Variants in LONRF3 observed in about 807,000 individuals in gnomAD.
The protein encoded by LONRF3 is LON peptidase N-terminal domain and ring finger 3.
LONRF3 carries 19 observed loss-of-function variants against 51.7 expected under a neutral mutation model. That is an observed-to-expected ratio of 0.37 (90% CI 0.26 to 0.54). LONRF3 has a LOEUF of 0.54. Ranked by LOEUF, LONRF3 falls within the 20% of genes least tolerant of loss-of-function variation. The probability of loss-of-function intolerance (pLI) is 0.86; values close to 1 mark genes in which losing one functional copy is unlikely to be tolerated. For synonymous variants in LONRF3, 265 were observed against 257.8 expected, an observed-to-expected ratio of 1.03 and a Z score of -0.27; for missense variants, 521 against 623.9, an observed-to-expected ratio of 0.84 and a Z score of 1.76.
At chrX:118,985,329 G>T (rs1383697861) in intron 3 of LONRF3, among the ~76,000 whole-genome samples, 1 of 111,535 alleles carries the variant, frequency 9.0e-6, no homozygotes, top group Admixed American at 9.5e-5. Flanking sequence ...GTTGAGTCAC[G>T]CATTAGGGCT....
At chrX:119,006,036 T>A in intron 5 of LONRF3, 85 bp from the exon 6 acceptor site, 1 of 538,569 alleles carries the variant, frequency 1.9e-6, no homozygotes. Context: ...ATATTCTAAA[T>A]AATGCTTTAA....
chrX:118,995,662 C>CTGAAATACAAA (rs1458023476), intron 5 of LONRF3, among the ~76,000 whole-genome samples: 2 of 112,093 alleles, frequency 1.8e-5, no homozygotes, highest in Non-Finnish European at 3.8e-5. Flanking sequence ...GGAGATACCA[C>CTGAAATACAAA]AACTGACACC....
At chrX:119,008,298 T>C (rs1924869482) in intron 6 of LONRF3, among the ~76,000 whole-genome samples, 1 of 112,604 alleles carries the variant, frequency 8.9e-6, no homozygotes, top group African/African-American at 3.2e-5. Context: ...AACAGTTTTA[T>C]ACTCAGGCGC....
At chrX:118,991,350 T>A (rs1433080406) in intron 5 of LONRF3, among the ~76,000 whole-genome samples, 1 of 109,415 alleles carries the variant, frequency 9.1e-6, no homozygotes, top group Non-Finnish European at 1.9e-5. Flanking sequence ...CTCAGTTACA[T>A]GGGCAAGAGC....
intron 8 of LONRF3, chrX:119,012,744 C>A: frequency 2.4e-6 from 1 of 408,530 alleles, no homozygotes; most frequent in Non-Finnish European, 4.0e-6. Flanking sequence ...AATAATGTTA[C>A]AATAGCAATT....
intron 3 of LONRF3, among the ~76,000 whole-genome samples, chrX:118,984,793 G>A (rs1293812555): frequency 1.8e-5 from 2 of 112,180 alleles, no homozygotes; most frequent in Non-Finnish European, 3.8e-5. Flanking sequence ...GTGTGATGAG[G>A]CCATGGCGGC....
intron 6 of LONRF3, among the ~76,000 whole-genome samples, chrX:119,008,575 T>A (rs1188082033): frequency 1.8e-5 from 2 of 112,096 alleles, no homozygotes; most frequent in Non-Finnish European, 3.8e-5. Flanking sequence ...TTGTGTTTTT[T>A]TAAACTAAAA....
intron 5 of LONRF3, among the ~76,000 whole-genome samples, chrX:119,002,912 T>C (rs761402798): frequency 1.8e-5 from 2 of 110,433 alleles, no homozygotes; most frequent in East Asian, 5.7e-4. Flanking sequence ...GATTCTCCTG[T>C]CTCAGCCTCC....
At chrX:118,992,878 G>A (rs1168038564) in intron 5 of LONRF3, among the ~76,000 whole-genome samples, 4 of 111,445 alleles carry the variant, frequency 3.6e-5, no homozygotes, top group Non-Finnish European at 7.5e-5. Context: ...CCAGCCTGGA[G>A]CCGGGTAGAC....
Position 118,975,581 on chromosome X carries a change from C to G in LONRF3, c.801C>G (p.Asn267Lys). Residue 267 changes from asparagine (N) to lysine (K), a missense_variant, in exon 1 of 11, where the codon AAC (asparagine) becomes AAG (lysine). Coordinates refer to ENST00000371628, the MANE Select transcript of LONRF3 (RefSeq NM_001031855.3). ...RQVEAALLKYNEAVKLAPNDH... is the reference protein window; with the variant it reads ...RQVEAALLKYKEAVKLAPNDH... ...TGGAGGCGGCACTGCTCAAGTACAACGAGGCAGTTAAGTTGGGTGAGTCCA... is the reference window on the plus strand; with the variant it reads ...TGGAGGCGGCACTGCTCAAGTACAAGGAGGCAGTTAAGTTGGGTGAGTCCA... The G allele has an allele frequency of 1.7e-6, 2 of 1,176,828 alleles. No homozygotes were observed. The highest frequency in any genetic ancestry group is 2.3e-6 in the Non-Finnish European group (2 of 879,650).
chrX:119,013,238 C>G (rs1398496876), intron 9 of LONRF3, 37 bp downstream of exon 9: 6 of 1,161,611 alleles, frequency 5.2e-6, no homozygotes, highest in African/African-American at 1.8e-5. Flanking sequence ...CAAAGCCAGG[C>G]TATCCTTGTA....
At chrX:119,017,186 C>T (rs989729698) in intron 10 of LONRF3, among the ~76,000 whole-genome samples, 4 of 111,553 alleles carry the variant, frequency 3.6e-5, no homozygotes, top group African/African-American at 6.5e-5. Flanking sequence ...ATCCTCACCA[C>T]GTCCATGTTC....
intron 4 of LONRF3, 56 bp from the exon 5 acceptor site, chrX:118,990,414 A>G: frequency 4.4e-6 from 4 of 917,850 alleles, no homozygotes; most frequent in Non-Finnish European, 6.3e-6. Flanking sequence ...CCTCAGAAGT[A>G]CTATCTATGA....
chrX:118,975,337 G>A lies in LONRF3; in HGVS notation c.557G>A (p.Arg186Gln), dbSNP rs1165841436. Residue 186 changes from arginine to glutamine, a missense_variant, in exon 1 of 11, where the codon CGG becomes CAG. Coordinates refer to ENST00000371628, the MANE Select transcript of LONRF3 (RefSeq NM_001031855.3). Reference protein sequence around the residue: ...TFCKLCLERGRAADRRCALCG... With the variant: ...TFCKLCLERGQAADRRCALCG... The stretch of plus-strand genomic sequence containing the variant: ...TGTAAACTGTGCCTGGAACGTGGGC[G>A]GGCCGCCGACCGGCGCTGTGCGCTG... The A allele has an allele frequency of 8.3e-7, 1 of 1,208,893 alleles. No homozygotes were observed. The highest frequency in any genetic ancestry group is 2.2e-5 in the Admixed American group (1 of 45,992).
intron 3 of LONRF3, among the ~76,000 whole-genome samples, chrX:118,983,738 C>G (rs1569475593): frequency 1.8e-5 from 2 of 111,908 alleles, no homozygotes; most frequent in Non-Finnish European, 3.8e-5. Flanking sequence ...CTATTCACCG[C>G]GGAGCCTTAC....
At chrX:118,988,073 T>C (rs992666761) in intron 3 of LONRF3, among the ~76,000 whole-genome samples, 1 of 111,233 alleles carries the variant, frequency 9.0e-6, no homozygotes, top group Non-Finnish European at 1.9e-5. Flanking sequence ...CCTGGGCATC[T>C]TTAGGGGGCA....
chrX:118,999,057 C>T (rs1407475833), intron 5 of LONRF3, among the ~76,000 whole-genome samples: 5 of 112,567 alleles, frequency 4.4e-5, no homozygotes, highest in Non-Finnish European at 9.4e-5. Flanking sequence ...CTTCTCATAT[C>T]GATCATGTGC....
At chrX:119,004,828 T>C (rs921175564) in intron 5 of LONRF3, among the ~76,000 whole-genome samples, 1 of 112,530 alleles carries the variant, frequency 8.9e-6, no homozygotes, top group Non-Finnish European at 1.9e-5. Context: ...TTTGCATCAG[T>C]AAAGCTGTTT....
At chrX:119,010,968 G>C (rs752318586) in intron 7 of LONRF3, among the ~76,000 whole-genome samples, 1 of 110,162 alleles carries the variant, frequency 9.1e-6, no homozygotes, top group African/African-American at 3.3e-5. Flanking sequence ...ACAAAAATTA[G>C]CCAGGCATGG....
Sources: gnomAD v4.1 joint callset for allele counts (sites outside exome capture counted in the v4.1 genomes callset) on GRCh38, gnomAD v4.1.1 for gene constraint, MANE v1.5 for transcripts, NCBI Gene and HGNC (gene_info 2026-07-23, HGNC 2026-07-21) for gene names.